ACTR10: variants seen among roughly 807,000 people sequenced by gnomAD.
ACTR10 encodes the protein actin-related protein 10.
Under a neutral mutation model 56.2 loss-of-function variants are expected in ACTR10, and 43 were observed. The ratio of observed to expected loss-of-function variants is 0.77; its 90% CI spans 0.60 to 0.99. The LOEUF (loss-of-function observed/expected upper bound fraction) is 0.99. Among genes scored for constraint, ACTR10 ranks in the 50% least tolerant of loss-of-function variants. The probability of loss-of-function intolerance (pLI) is 0.00; values close to 1 mark genes in which losing one functional copy is unlikely to be tolerated. For synonymous variants in ACTR10, 170 were observed against 176.3 expected, an observed-to-expected ratio of 0.96 and a Z score of 0.28; for missense variants, 466 against 507.8, an observed-to-expected ratio of 0.92 and a Z score of 0.79.
chr14:58,226,400 G>A (rs1455933439), intron 10 of ACTR10, among the ~76,000 whole-genome samples: 16 of 143,728 alleles, frequency 1.1e-4, no homozygotes, highest in Non-Finnish European at 1.2e-4. Context: ...ATGAGCCACC[G>A]CCCTGGGCTC....
intron 10 of ACTR10, among the ~76,000 whole-genome samples, chr14:58,226,044 G>A (rs534824968): frequency 6.6e-6 from 1 of 152,072 alleles, no homozygotes; most frequent in African/African-American, 2.4e-5. Context: ...AGCACTTTGG[G>A]AGGTGGAGGT....
chr14:58,204,821 T>C (rs1039539327), intron 2 of ACTR10, among the ~76,000 whole-genome samples: 4 of 152,252 alleles, frequency 2.6e-5, no homozygotes, highest in African/African-American at 9.6e-5. Flanking sequence ...ATGAAAGTTA[T>C]ACTTCCATTA....
chr14:58,212,612 G>C (rs1364624973), intron 5 of ACTR10, among the ~76,000 whole-genome samples: 1 of 152,148 alleles, frequency 6.6e-6, no homozygotes, highest in Non-Finnish European at 1.5e-5. Flanking sequence ...TGCAACATGA[G>C]TATTATTATT....
intron 10 of ACTR10, among the ~76,000 whole-genome samples, chr14:58,229,700 G>C (rs145556700): frequency 0.012 from 1,840 of 147,604 alleles, 42 homozygotes; most frequent in African/African-American, 0.044. Context: ...AAAAAGAATA[G>C]ATTTTGGGTG....
At chr14:58,230,004 A>T (rs1889492920) in intron 10 of ACTR10, among the ~76,000 whole-genome samples, 1 of 152,106 alleles carries the variant, frequency 6.6e-6, no homozygotes, top group Non-Finnish European at 1.5e-5. Context: ...ATTGCTTATA[A>T]ATCTCTTGTA....
Position 58,223,230 on chromosome 14 carries a change from G to A in ACTR10, c.635-392G>A, listed in dbSNP as rs375424459. On this transcript the variant is annotated intron_variant, in intron 8 of 12. Coordinates refer to ENST00000254286, the MANE Select transcript of ACTR10 (RefSeq NM_018477.3). Reference sequence around the variant, plus strand: ...CGGCTCACTGCAACCTCCACCTCCCGGGTTCAAGCAATTCTCCTGCCTCCT... The same window carrying A: ...CGGCTCACTGCAACCTCCACCTCCCAGGTTCAAGCAATTCTCCTGCCTCCT... 4.0e-4 allele frequency among the ~76,000 whole-genome samples: 61 copies of A among 152,040 alleles called. No individual in the cohort carries two copies. In the East Asian group the frequency reaches 8.7e-3, roughly 22 times the overall value.
At chr14:58,209,757 T>A (rs1888950794) in intron 4 of ACTR10, among the ~76,000 whole-genome samples, 1 of 152,196 alleles carries the variant, frequency 6.6e-6, no homozygotes, top group Non-Finnish European at 1.5e-5. Context: ...ATTATTCAAA[T>A]TTTTAAAAAT....
At chr14:58,220,116 C>T (rs748178363) in intron 8 of ACTR10, among the ~76,000 whole-genome samples, 6 of 152,166 alleles carry the variant, frequency 3.9e-5, no homozygotes, top group Non-Finnish European at 7.4e-5. Flanking sequence ...CAAAGTACTA[C>T]ACAGTACATT....
intron 2 of ACTR10, among the ~76,000 whole-genome samples, chr14:58,203,315 A>AG (rs1053116926): frequency 6.6e-6 from 1 of 151,630 alleles, no homozygotes; most frequent in Non-Finnish European, 1.5e-5. Flanking sequence ...AAAAAAAAAA[A>AG]AAAAAAGAAA....
intron 2 of ACTR10, among the ~76,000 whole-genome samples, chr14:58,205,242 CAAAAAA>C (rs565273837): frequency 6.9e-6 from 1 of 145,070 alleles, no homozygotes; most frequent in South Asian, 2.2e-4. Flanking sequence ...AAAACAAAAA[CAAAAAA>C]AAACATGTTA....
intron 10 of ACTR10, among the ~76,000 whole-genome samples, chr14:58,229,713 C>G (rs1053281436): frequency 6.7e-6 from 1 of 149,886 alleles, no homozygotes; most frequent in Non-Finnish European, 1.5e-5. Context: ...TTTGGGTGCT[C>G]TTACTACTTA....
At chr14:58,202,002 CAAA>C (rs11460483) in intron 1 of ACTR10, among the ~76,000 whole-genome samples, 12 of 99,074 alleles carry the variant, frequency 1.2e-4, no homozygotes, top group African/African-American at 1.6e-4. Flanking sequence ...GACCCTGCCT[CAAA>C]AAAAAAAAAA....
In ACTR10 at chr14:58,235,490, C is replaced by A. The variant is rs1351921642; in HGVS notation, c.*939C>A. ...TCATTTTTATATAAGGTTACAACTGCTTTATAAAAATGTATTCACAATGTC... is the reference window on the plus strand; with the variant it reads ...TCATTTTTATATAAGGTTACAACTGATTTATAAAAATGTATTCACAATGTC... On this transcript the variant is annotated 3_prime_UTR_variant, in exon 13 of 13. Coordinates refer to ENST00000254286, the MANE Select transcript of ACTR10 (RefSeq NM_018477.3). 1 of 152,034 alleles carries A rather than the reference C, an allele frequency of 6.6e-6. No homozygotes were observed. Among genetic ancestry groups the A allele is most frequent in the Non-Finnish European group, 1.5e-5 (1 of 68,010 alleles). The allele number at this position is 152,034 out of a possible 1,614,324, so 9.4% of individuals were successfully genotyped here.
chr14:58,213,289 A>G lies in ACTR10; in HGVS notation c.451-342A>G, dbSNP rs144068543. 59 of 180,078 alleles carry G rather than the reference A, an allele frequency of 3.3e-4. 1 individual carries two copies. In the East Asian group the frequency reaches 7.4e-3, roughly 23 times the overall value. 11.2% of individuals were successfully genotyped at this position (180,078 alleles called of 1,614,324 possible). A position where few individuals can be genotyped will look rare whatever the true frequency, so the allele number is the denominator to read the frequency against. ...AGGTTTTTTGGTATTAAAACCTTCTAAATTTGGTGTGTAGCTTAGTCTTAG... is the reference window on the plus strand; with the variant it reads ...AGGTTTTTTGGTATTAAAACCTTCTGAATTTGGTGTGTAGCTTAGTCTTAG... On this transcript the variant is annotated intron_variant, in intron 5 of 12. Coordinates refer to ENST00000254286, the MANE Select transcript of ACTR10 (RefSeq NM_018477.3).
intron 2 of ACTR10, among the ~76,000 whole-genome samples, chr14:58,205,644 G>A (rs1028007488): frequency 5.3e-5 from 8 of 152,098 alleles, no homozygotes; most frequent in African/African-American, 7.2e-5. Flanking sequence ...ACTTGATTAA[G>A]GAATCATTTC....
Position 58,213,670 on chromosome 14 carries a change from C to T in ACTR10, c.490C>T (p.Leu164=), listed in dbSNP as rs376816718. ...GIPVLNCWGA[L]PLGGKALHKE... The stretch of plus-strand genomic sequence containing the variant: ...CCCAGTTCTAAATTGTTGGGGAGCA[C>T]TACCCCTAGGAGGAAAAGCTCTTCA... Residue 164 remains leucine, a synonymous_variant, in exon 6 of 13, where the codon CTA becomes TTA. Transcript: ENST00000254286. 12 of 1,612,506 alleles carry T rather than the reference C, an allele frequency of 7.4e-6. No individual in the cohort carries two copies. The highest frequency in any genetic ancestry group is 4.0e-5 in the African/African-American group (3 of 74,878).
rs762852866 is a variant in ACTR10 at position 58,223,706 on chromosome 14, G to GT, written c.714+8dup. 6.3e-6 allele frequency: 10 copies of GT among 1,589,362 alleles called. No individual in the cohort carries two copies. In the African/African-American group the frequency reaches 1.4e-4, roughly 22 times the overall value. Reference sequence around the variant, plus strand: ...AATATTGATGGGAATAATGAGGTAAGTTTAAAAAAAAAAAAGGCATCTTTT... The same window carrying GT: ...AATATTGATGGGAATAATGAGGTAAGTTTTAAAAAAAAAAAAGGCATCTTTT... On this transcript the variant is annotated splice_donor_region_variant and intron_variant, in intron 9 of 12. Coordinates refer to ENST00000254286, the MANE Select transcript of ACTR10 (RefSeq NM_018477.3).
rs140404837 is a variant in ACTR10, at chr14:58,213,645, C to T, written c.465C>T (p.Ile155=). ...ESLVLPIYEG[I]PVLNCWGALP... The stretch of plus-strand genomic sequence containing the variant: ...CTACTCTATAGATATATGAAGGAAT[C>T]CCAGTTCTAAATTGTTGGGGAGCAC... Residue 155 remains isoleucine, a synonymous_variant, in exon 6 of 13, where the codon ATC becomes ATT. Transcript: ENST00000254286. 8 of 1,611,274 alleles carry T rather than the reference C, an allele frequency of 5.0e-6. No homozygotes were observed. The highest frequency in any genetic ancestry group is 1.7e-4 in the Middle Eastern group (1 of 6,046).
At chr14:58,228,730 G>A (rs1889462480) in intron 10 of ACTR10, among the ~76,000 whole-genome samples, 1 of 105,062 alleles carries the variant, frequency 9.5e-6, no homozygotes, top group African/African-American at 3.7e-5. Context: ...AAAGAGATGA[G>A]GTCTCACTGT....
Sources: allele counts gnomAD v4.1 joint callset (sites outside exome capture counted in the v4.1 genomes callset), GRCh38; gene constraint gnomAD v4.1.1; transcripts MANE v1.5; gene names NCBI Gene and HGNC (gene_info 2026-07-23, HGNC 2026-07-21).